ANKRD11: variants seen among roughly 807,000 people sequenced by gnomAD.
ANKRD11 encodes ankyrin repeat domain 11, also known as ankyrin repeat domain-containing protein 11.
ANKRD11 carries 17 observed loss-of-function variants against 195.7 expected under a neutral mutation model. That is an observed-to-expected ratio of 0.09 (90% CI 0.06 to 0.13). ANKRD11 has a LOEUF of 0.13. Among genes scored for constraint, ANKRD11 ranks in the 10% least tolerant of loss-of-function variants. The pLI, the probability that ANKRD11 is intolerant of heterozygous loss-of-function variation, is 1.00. For synonymous variants in ANKRD11, 1,953 were observed against 1,528.1 expected, an observed-to-expected ratio of 1.28 and a Z score of -6.49; for missense variants, 3,735 against 3,566.1, an observed-to-expected ratio of 1.05 and a Z score of -1.21.
At chr16:89,437,814 C>T (rs2043278993) in intron 1 of ANKRD11, among the ~76,000 whole-genome samples, 1 of 152,326 alleles carries the variant, frequency 6.6e-6, no homozygotes, top group South Asian at 2.1e-4. Context: ...CTCCAGCAAC[C>T]CACCCTCCAG....
chr16:89,469,004 G>A (rs2056977991), intron 1 of ANKRD11, among the ~76,000 whole-genome samples: 1 of 152,120 alleles, frequency 6.6e-6, no homozygotes, highest in South Asian at 2.1e-4. Flanking sequence ...TGTAATAGAA[G>A]GGAACTTCCT....
At chr16:89,339,111 G>A (rs1158987810) in intron 2 of ANKRD11, among the ~76,000 whole-genome samples, 2 of 152,118 alleles carry the variant, frequency 1.3e-5, no homozygotes, top group Admixed American at 1.3e-4. Flanking sequence ...GCACCCCCAG[G>A]ATCCCTGTAA....
intron 1 of ANKRD11, among the ~76,000 whole-genome samples, chr16:89,451,337 A>C (rs556387981): frequency 6.6e-6 from 1 of 152,030 alleles, no homozygotes; most frequent in Non-Finnish European, 1.5e-5. Context: ...ATTAACTGTG[A>C]ATTGACAGGA....
intron 9 of ANKRD11, 102 bp downstream of exon 9, chr16:89,278,970 G>T (rs1597430589): frequency 6.5e-7 from 1 of 1,531,068 alleles, no homozygotes; most frequent in Non-Finnish European, 8.9e-7. Flanking sequence ...GAGAGGTCAA[G>T]GGCCATGAGT....
At chr16:89,296,134 G>A (rs1215121406) in intron 4 of ANKRD11, among the ~76,000 whole-genome samples, 1 of 151,748 alleles carries the variant, frequency 6.6e-6, no homozygotes, top group Non-Finnish European at 1.5e-5. Context: ...GACCACAGGT[G>A]GGTGTGCCTC....
chr16:89,305,120 G>T, intron 4 of ANKRD11, 86 bp downstream of exon 4: 1 of 1,559,340 alleles, frequency 6.4e-7, no homozygotes, highest in South Asian at 1.2e-5. Flanking sequence ...TGCAAAGCCG[G>T]AGGTGCGGGG....
At chr16:89,472,391 A>G (rs889332936) in intron 1 of ANKRD11, among the ~76,000 whole-genome samples, 1 of 151,882 alleles carries the variant, frequency 6.6e-6, no homozygotes, top group Non-Finnish European at 1.5e-5. Context: ...GGGAAGGGAG[A>G]AAAAAAACCG....
intron 2 of ANKRD11, among the ~76,000 whole-genome samples, chr16:89,341,869 C>A (rs533023951): frequency 6.8e-6 from 1 of 146,236 alleles, no homozygotes; most frequent in Non-Finnish European, 1.5e-5. Context: ...CCCACAGCGG[C>A]CACGGCCCAC....
At chr16:89,481,718 T>G (rs1165620766) in intron 1 of ANKRD11, among the ~76,000 whole-genome samples, 2 of 152,114 alleles carry the variant, frequency 1.3e-5, no homozygotes, top group Admixed American at 6.5e-5. Context: ...ACTCCAGTCA[T>G]GCTTCCAGGT....
chr16:89,391,116 T>C (rs2041174689), intron 2 of ANKRD11, among the ~76,000 whole-genome samples: 1 of 150,986 alleles, frequency 6.6e-6, no homozygotes, highest in Non-Finnish European at 1.5e-5. Flanking sequence ...TAGTCCCAGC[T>C]ACTCGGGAGG....
In ANKRD11 at chr16:89,279,941, C is replaced by T. The variant is rs1189104172; in HGVS notation, c.6601G>A (p.Ala2201Thr). 6.2e-7 allele frequency: 1 copy of T among 1,610,022 alleles called. No individual in the cohort carries two copies. Among genetic ancestry groups the T allele is most frequent in the East Asian group, 2.2e-5 (1 of 44,858 alleles). Residue 2201 changes from alanine (A) to threonine (T), a missense_variant, in exon 9 of 13, where the codon GCA becomes ACA. Physicochemically the swap from Ala to Thr is moderately conservative, Grantham distance 58 (BLOSUM62 0). Transcript: ENST00000301030. The surrounding 1 kb of genome is among the most constrained non-coding windows in gnomAD (Gnocchi z 5.6). ...PPDQASTRLP[A>T]ELEPEPSGEP... ...CCTGAGGGCTCAGGCTCGAGCTCTG[C>T]AGGGAGCCGGGTGGAGGCCTGGTCA...
rs1294175816 is a variant in ANKRD11 at position 89,285,695 on chromosome 16, C to G, written c.893-46G>C. On this transcript the variant is annotated intron_variant, in intron 8 of 12. Coordinates refer to ENST00000301030, the MANE Select transcript of ANKRD11 (RefSeq NM_013275.6). The surrounding 1 kb of genome is among the most constrained non-coding windows in gnomAD (Gnocchi z 5.6). ...GAGGTCACAGGCAGGCTCAAAACAGCTCTCCCCAGAATGGCAGAGGAGGGA... is the reference window on the plus strand; with the variant it reads ...GAGGTCACAGGCAGGCTCAAAACAGGTCTCCCCAGAATGGCAGAGGAGGGA... 9 of 1,599,056 alleles carry G rather than the reference C, an allele frequency of 5.6e-6. No individual in the cohort carries two copies. Among genetic ancestry groups the G allele is most frequent in the Non-Finnish European group, 7.7e-6 (9 of 1,166,584 alleles).
intron 2 of ANKRD11, among the ~76,000 whole-genome samples, chr16:89,377,563 G>T (rs184770287): frequency 7.5e-4 from 114 of 152,288 alleles, no homozygotes; most frequent in African/African-American, 2.4e-3. Flanking sequence ...GAAATTAGAA[G>T]ACAACCTGGT....
chr16:89,319,361 A>G lies in ANKRD11; in HGVS notation c.-59-2283T>C, dbSNP rs1012289055. Among the ~76,000 whole-genome samples the G allele has an allele frequency of 3.9e-5, 6 of 152,176 alleles. No individual in the cohort carries two copies. In the East Asian group the frequency reaches 9.6e-4, roughly 24 times the overall value. ...CAATGGACCAGGGATCTGGGAGTCC[A>G]CTCAGGAGGTGGAGGAAGTGGGTCG... On this transcript the variant is annotated intron_variant, in intron 2 of 12. Transcript: ENST00000301030.
intron 3 of ANKRD11, among the ~76,000 whole-genome samples, chr16:89,315,406 C>T (rs2036890750): frequency 6.6e-6 from 1 of 152,192 alleles, no homozygotes; most frequent in Admixed American, 6.5e-5. Flanking sequence ...GCGTGACCTG[C>T]CCTTGCGCCT....
chr16:89,301,633 C>A (rs116796127), intron 4 of ANKRD11: 2 of 398,572 alleles, frequency 5.0e-6, no homozygotes, highest in South Asian at 1.3e-4. Context: ...TCTTGCCCAG[C>A]GCTCTGGAAG....
At chr16:89,449,790 T>C (rs2043983622) in intron 1 of ANKRD11, among the ~76,000 whole-genome samples, 2 of 151,922 alleles carry the variant, frequency 1.3e-5, no homozygotes, top group South Asian at 4.2e-4. Context: ...CGAAACTCCA[T>C]CTCAAAAAAA....
intron 2 of ANKRD11, chr16:89,324,307 A>G (rs957831636): frequency 6.8e-5 from 87 of 1,273,020 alleles, no homozygotes; most frequent in Non-Finnish European, 2.7e-5. Context: ...ACCCGACAGG[A>G]GCACGGACAC....
intron 1 of ANKRD11, among the ~76,000 whole-genome samples, chr16:89,462,005 A>T (rs2056686554): frequency 1.3e-5 from 2 of 151,606 alleles, no homozygotes; most frequent in East Asian, 1.9e-4. Flanking sequence ...AGCTTCATTT[A>T]AAAAAAGCGT....
Sources: allele counts gnomAD v4.1 joint callset (sites outside exome capture counted in the v4.1 genomes callset), GRCh38; gene constraint gnomAD v4.1.1; non-coding constraint Gnocchi (gnomAD v3.1); transcripts MANE v1.5; gene names NCBI Gene and HGNC (gene_info 2026-07-23, HGNC 2026-07-21).